The following EMB variants were observed in gnomAD, a reference collection of about 807,000 sequenced individuals.
EMB encodes embigin homolog.
Under a neutral mutation model 41.4 loss-of-function variants are expected in EMB, and 31 were observed. The ratio of observed to expected loss-of-function variants is 0.75; its 90% CI spans 0.56 to 1.01. EMB has a LOEUF of 1.01. Among genes scored for constraint, EMB ranks in the 50% least tolerant of loss-of-function variants. The pLI, the probability that EMB is intolerant of heterozygous loss-of-function variation, is 0.00. For synonymous variants in EMB, 137 were observed against 140.4 expected (o/e 0.98, Z 0.17); for missense variants, 379 against 388.3 (o/e 0.98, Z 0.20).
rs1745088995 is a variant in EMB, at chr5:50,397,496, G to A, written c.*1777C>T. 1 of 152,086 alleles carries A rather than the reference G, an allele frequency of 6.6e-6. No homozygotes were observed. Among genetic ancestry groups the A allele is most frequent in the South Asian group, 2.1e-4 (1 of 4,812 alleles). The allele number at this position is 152,086 out of a possible 1,614,324, so 9.4% of individuals were successfully genotyped here. ...CCTCAATGGTTAGTGGTGGTAAAAT[G>A]GAAGAATGCATACTGCAGATGGGTT... On this transcript the variant is annotated 3_prime_UTR_variant, in exon 9 of 9. Transcript: ENST00000303221.
At chr5:50,404,293 T>A (rs1305793107) in intron 5 of EMB, among the ~76,000 whole-genome samples, 1 of 151,876 alleles carries the variant, frequency 6.6e-6, no homozygotes, top group Non-Finnish European at 1.5e-5. Context: ...GCAAAAAAAA[T>A]TACAGCAACC....
intron 1 of EMB, among the ~76,000 whole-genome samples, chr5:50,436,403 T>C (rs1579746235): frequency 6.6e-6 from 1 of 152,178 alleles, no homozygotes; most frequent in Non-Finnish European, 1.5e-5. Context: ...TTATCTTTCC[T>C]AGATTTAATT....
Position 50,402,400 on chromosome 5 carries a change from CTAAG to C in EMB, c.878-85_878-82del, listed in dbSNP as rs796675413. On this transcript the variant is annotated intron_variant, in intron 6 of 8. Coordinates refer to ENST00000303221, the MANE Select transcript of EMB (RefSeq NM_198449.3). ...ATATATGCTCAATTAAACCTCCTTCCTAAGTAAGTAAGTACTATGCTGTTTCTCC... is the reference window on the plus strand; with the variant it reads ...ATATATGCTCAATTAAACCTCCTTCCTAAGTAAGTACTATGCTGTTTCTCC... 149 of 1,283,118 alleles carry C rather than the reference CTAAG, an allele frequency of 1.2e-4. 1 individual carries two copies. In the African/African-American group the frequency reaches 1.5e-3, roughly 13 times the overall value. 79.5% of individuals were successfully genotyped at this position (1,283,118 alleles called of 1,614,324 possible).
intron 4 of EMB, among the ~76,000 whole-genome samples, chr5:50,409,164 A>G (rs530193904): frequency 5.1e-4 from 78 of 152,264 alleles, no homozygotes; most frequent in African/African-American, 1.8e-3. Context: ...TAGTTATCTC[A>G]AAACAGTTGG....
chr5:50,428,431 T>C, intron 1 of EMB: 3 of 1,202,404 alleles, frequency 2.5e-6, no homozygotes, highest in Non-Finnish European at 3.1e-6. Context: ...TTTTTTCTTT[T>C]TTAACCTAAA....
chr5:50,403,322 C>A lies in EMB; in HGVS notation c.733G>T (p.Glu245Ter), dbSNP rs1236920800. The A allele has an allele frequency of 1.2e-6, 2 of 1,612,676 alleles. No individual in the cohort carries two copies. The highest frequency in any genetic ancestry group is 2.7e-5 in the African/African-American group (2 of 74,764). Residue 245 changes from glutamate to a stop codon, truncating the protein, a stop_gained, in exon 6 of 9, where the codon GAG (glutamate) becomes TAG (stop). Coordinates refer to ENST00000303221, the MANE Select transcript of EMB (RefSeq NM_198449.3). LOFTEE classifies it high-confidence loss of function. Reference protein sequence around the residue: ...YWCRALFQLGESEEHIELVVL... With the variant: ...YWCRALFQLG Reference sequence around the variant, plus strand: ...ACAAGCTCAATGTGTTCTTCACTCTCGCCTAATTGGAATAGTGCACGGCAC... The same window carrying A: ...ACAAGCTCAATGTGTTCTTCACTCTAGCCTAATTGGAATAGTGCACGGCAC...
chr5:50,430,252 G>C (rs1348684023), intron 1 of EMB, among the ~76,000 whole-genome samples: 1 of 152,128 alleles, frequency 6.6e-6, no homozygotes, highest in African/African-American at 2.4e-5. Context: ...TGTGAAGCCT[G>C]CAAAACGTAA....
intron 6 of EMB, 28 bp from the exon 7 acceptor site, chr5:50,402,347 T>C (rs750005812): frequency 1.3e-6 from 2 of 1,598,342 alleles, no homozygotes; most frequent in Non-Finnish European, 1.7e-6. Context: ...AATTTGACTG[T>C]GAAGTTGGTT....
chr5:50,402,076 C>G (rs1446837445), intron 7 of EMB, among the ~76,000 whole-genome samples: 3 of 151,846 alleles, frequency 2.0e-5, no homozygotes, highest in Non-Finnish European at 4.4e-5. Flanking sequence ...GAGAAGAAAG[C>G]TGAAGTACAG....
chr5:50,423,331 G>A (rs185773683), intron 2 of EMB, among the ~76,000 whole-genome samples: 2 of 152,058 alleles, frequency 1.3e-5, no homozygotes, highest in Non-Finnish European at 2.9e-5. Context: ...AGAGAAGAGA[G>A]ACAGAAATGG....
intron 2 of EMB, among the ~76,000 whole-genome samples, chr5:50,419,754 C>T (rs141752425): frequency 2.9e-3 from 447 of 152,166 alleles, no homozygotes; most frequent in African/African-American, 9.5e-3. Context: ...GCACTATTCA[C>T]GACAGCAAAG....
At chr5:50,404,111 T>G (rs1745211639) in intron 5 of EMB, among the ~76,000 whole-genome samples, 1 of 151,990 alleles carries the variant, frequency 6.6e-6, no homozygotes, top group African/African-American at 2.4e-5. Flanking sequence ...GGTGCCATAT[T>G]AAGCTATTTG....
intron 4 of EMB, among the ~76,000 whole-genome samples, chr5:50,409,854 G>T (rs1745306406): frequency 6.6e-6 from 1 of 152,096 alleles, no homozygotes; most frequent in South Asian, 2.1e-4. Context: ...AATGATACTA[G>T]TTTCTGCTTT....
chr5:50,399,918 A>G lies in EMB; in HGVS notation c.912-5T>C. ...CCATTGCTATCATCTGATTTCCTGC[A>G]CAGAAAACAAAAAAGAAAATTACTA... On this transcript the variant is annotated splice_region_variant and splice_polypyrimidine_tract_variant and intron_variant, in intron 7 of 8. Transcript: ENST00000303221. 2 of 1,600,472 alleles carry G rather than the reference A, an allele frequency of 1.2e-6. No homozygotes were observed. The highest frequency in any genetic ancestry group is 1.1e-5 in the South Asian group (1 of 88,392).
chr5:50,437,281 T>A (rs937605766), intron 1 of EMB, among the ~76,000 whole-genome samples: 7 of 152,066 alleles, frequency 4.6e-5, no homozygotes, highest in East Asian at 1.9e-4. Context: ...AAAAATTAAA[T>A]GAATGAATGA....
In EMB at chr5:50,402,297, C is replaced by G; in HGVS notation, c.900G>C (p.Gln300His). 3.1e-6 allele frequency: 5 copies of G among 1,610,196 alleles called. No homozygotes were observed. The highest frequency in any genetic ancestry group is 4.2e-6 in the Non-Finnish European group (5 of 1,177,330). Reference sequence around the variant, plus strand: ...AAAATAATACTTACAGCTGTTCAATCTGCTCAAATTCTTTCCCCTCATCTG... The same window carrying G: ...AAAATAATACTTACAGCTGTTCAATGTGCTCAAATTCTTTCCCCTCATCTG... ...KHSDEGKEFE[Q>H]IEQLKSDDSN... The change falls in exon 7 of 9, where the codon CAG becomes CAC. Residue 300 changes from glutamine to histidine, a missense_variant. Gln to His is a conservative substitution (Grantham distance 24, BLOSUM62 0). Transcript: ENST00000303221.
In EMB at chr5:50,403,434, C is replaced by T. The variant is rs780472894; in HGVS notation, c.621G>A (p.Met207Ile). 15 of 1,612,116 alleles carry T rather than the reference C, an allele frequency of 9.3e-6. No individual in the cohort carries two copies. The highest frequency in any genetic ancestry group is 2.2e-5 in the East Asian group (1 of 44,822). The change falls in exon 6 of 9, where the codon ATG becomes ATA. Residue 207 changes from methionine to isoleucine, a missense_variant. Transcript: ENST00000303221. Reference sequence around the variant, plus strand: ...ATGTTCCATTGATCACATATTTATTCATTTGAACACCAACAGGAACCTAAT... The same window carrying T: ...ATGTTCCATTGATCACATATTTATTTATTTGAACACCAACAGGAACCTAAT... ...GSVKVPVGVQ[M>I]NKYVINGTYA... is the part of the protein sequence containing the mutation.
chr5:50,420,605 A>G (rs1247696949), intron 2 of EMB, among the ~76,000 whole-genome samples: 1 of 152,178 alleles, frequency 6.6e-6, no homozygotes, highest in African/African-American at 2.4e-5. Flanking sequence ...TTCACCTTTC[A>G]TATTAATTTG....
intron 2 of EMB, among the ~76,000 whole-genome samples, chr5:50,415,117 A>G (rs567141886): frequency 1.1e-4 from 16 of 152,330 alleles, no homozygotes; most frequent in African/African-American, 3.8e-4. Flanking sequence ...GTGCTGACCT[A>G]TAACACTGAA....
Sources: allele counts gnomAD v4.1 joint callset (sites outside exome capture counted in the v4.1 genomes callset), GRCh38; gene constraint gnomAD v4.1.1; transcripts MANE v1.5; gene names NCBI Gene and HGNC (gene_info 2026-07-23, HGNC 2026-07-21).